The following ADAMTS12 variants were observed in gnomAD, a reference collection of about 807,000 sequenced individuals.
ADAMTS12 encodes the protein ADAM metallopeptidase with thrombospondin type 1 motif 12, also known as A disintegrin and metalloproteinase with thrombospondin motifs 12.
A neutral mutation model predicts 167.8 loss-of-function variants in ADAMTS12; 118 were observed. The observed-to-expected ratio is 0.70, with a 90% CI of 0.61 to 0.82. ADAMTS12 has a LOEUF of 0.82. Among genes scored for constraint, ADAMTS12 ranks in the 40% least tolerant of loss-of-function variants. The pLI is 0.00. For synonymous variants in ADAMTS12, 704 were observed against 716.9 expected, an observed-to-expected ratio of 0.98 and a Z score of 0.29; for missense variants, 1,916 against 1,998.8, an observed-to-expected ratio of 0.96 and a Z score of 0.79.
intron 14 of ADAMTS12, among the ~76,000 whole-genome samples, chr5:33,623,003 A>T (rs1739408331): frequency 6.6e-6 from 1 of 152,200 alleles, no homozygotes; most frequent in South Asian, 2.1e-4. Context: ...AAAGATGAAA[A>T]ATAGGGATGG....
rs113618015 is a variant in ADAMTS12 at position 33,545,953 on chromosome 5, A to G, written c.4446+106T>C. 76 of 1,379,882 alleles carry G rather than the reference A, an allele frequency of 5.5e-5. No homozygotes were observed. The African/African-American group carries it at 9.0e-4, about 16-fold the overall frequency. The allele number at this position is 1,379,882 out of a possible 1,614,324, so 85.5% of individuals were successfully genotyped here. A position where few individuals can be genotyped will look rare whatever the true frequency, so the allele number is the denominator to read the frequency against. On this transcript the variant is annotated intron_variant, in intron 22 of 23. Transcript: ENST00000504830. ...TGCAGCAAACCAACGTGGCACATGT[A>G]TACCTATGTAACAAACCTGCACGTT...
At chr5:33,774,766 C>T (rs1383147042) in intron 2 of ADAMTS12, among the ~76,000 whole-genome samples, 1 of 152,180 alleles carries the variant, frequency 6.6e-6, no homozygotes, top group East Asian at 1.9e-4. Context: ...ATCCCAGTAG[C>T]CTGTCTTTCA....
chr5:33,883,217 T>C (rs1029620547), intron 1 of ADAMTS12, among the ~76,000 whole-genome samples: 4 of 152,156 alleles, frequency 2.6e-5, no homozygotes, highest in Admixed American at 6.5e-5. Context: ...TCAGTTCTTA[T>C]ATGTTGATGT....
chr5:33,881,564 CTT>C (rs11442532), intron 1 of ADAMTS12, 84 bp from the exon 2 acceptor site: 2,001 of 1,228,720 alleles, frequency 1.6e-3, no homozygotes, highest in Non-Finnish European at 1.8e-3. Flanking sequence ...TGAATGCTAG[CTT>C]TTTTTTTTTT....
At chr5:33,804,454 G>C (rs571726827) in intron 2 of ADAMTS12, among the ~76,000 whole-genome samples, 2 of 152,318 alleles carry the variant, frequency 1.3e-5, no homozygotes, top group South Asian at 4.1e-4. Flanking sequence ...GCCAAGCCCA[G>C]CTCTCTCACA....
At position 33,818,680 on chromosome 5, in the gene ADAMTS12, G is replaced by A. The variant is rs377453873; in HGVS notation, c.489+62439C>T. On this transcript the variant is annotated intron_variant, in intron 2 of 23. Transcript: ENST00000504830. The stretch of plus-strand genomic sequence containing the variant: ...TTTTCCATTGTTTTCCATAATGGCT[G>A]TACCAATCTACATTTCCACCAATGG... Among the ~76,000 whole-genome samples, 17 of 152,112 alleles carry A rather than the reference G, an allele frequency of 1.1e-4. No homozygotes were observed. The East Asian group carries it at 1.4e-3, about 12-fold the overall frequency.
At chr5:33,636,062 C>G (rs1353761271) in intron 12 of ADAMTS12, among the ~76,000 whole-genome samples, 1 of 152,100 alleles carries the variant, frequency 6.6e-6, no homozygotes, top group Non-Finnish European at 1.5e-5. Flanking sequence ...CTTTGCTAGT[C>G]AAAAAGTAGG....
chr5:33,669,515 T>A (rs1006035402), intron 5 of ADAMTS12, among the ~76,000 whole-genome samples: 1 of 152,216 alleles, frequency 6.6e-6, no homozygotes, highest in Non-Finnish European at 1.5e-5. Flanking sequence ...GACCTGGGAA[T>A]GAATTCCATT....
intron 14 of ADAMTS12, among the ~76,000 whole-genome samples, chr5:33,620,207 G>A (rs971522619): frequency 6.6e-6 from 1 of 152,208 alleles, no homozygotes; most frequent in African/African-American, 2.4e-5. Context: ...GACAGCTATA[G>A]CTGCAGACCT....
Position 33,672,011 on chromosome 5 carries a change from A to T in ADAMTS12, c.916-9971T>A, listed in dbSNP as rs566511494. Among the ~76,000 whole-genome samples the T allele has an allele frequency of 3.2e-3, 475 of 150,678 alleles. 3 individuals carry two copies. Among genetic ancestry groups the T allele is most frequent in the African/African-American group, 0.011 (461 of 40,912 alleles). On this transcript the variant is annotated intron_variant, in intron 5 of 23. Coordinates refer to ENST00000504830, the MANE Select transcript of ADAMTS12 (RefSeq NM_030955.4). The stretch of plus-strand genomic sequence containing the variant: ...CACACACACCCATATACTCACATAC[A>T]CACACATCCACATACATACACACAC...
intron 3 of ADAMTS12, among the ~76,000 whole-genome samples, chr5:33,728,680 C>A (rs1744069937): frequency 6.6e-6 from 1 of 152,174 alleles, no homozygotes; most frequent in African/African-American, 2.4e-5. Flanking sequence ...ACCTTAGCAC[C>A]CCAGCCTGAA....
chr5:33,762,689 G>T (rs1745401017), intron 2 of ADAMTS12, among the ~76,000 whole-genome samples: 1 of 152,010 alleles, frequency 6.6e-6, no homozygotes, highest in Non-Finnish European at 1.5e-5. Context: ...AAGAAAATGG[G>T]GATTCTTCCC....
At chr5:33,707,071 A>G (rs1321433511) in intron 3 of ADAMTS12, among the ~76,000 whole-genome samples, 1 of 152,220 alleles carries the variant, frequency 6.6e-6, no homozygotes, top group East Asian at 1.9e-4. Flanking sequence ...TCTCAGCCCA[A>G]AAACACCTTA....
At chr5:33,549,404 A>G (rs1403761814) in intron 20 of ADAMTS12, 21 bp from the exon 21 acceptor site, 1 of 1,598,820 alleles carries the variant, frequency 6.3e-7, no homozygotes, top group Admixed American at 1.7e-5. Context: ...AGAAAAATCA[A>G]AGGCGATCTC....
chr5:33,835,131 G>C (rs1481740722), intron 2 of ADAMTS12, among the ~76,000 whole-genome samples: 1 of 152,196 alleles, frequency 6.6e-6, no homozygotes, highest in East Asian at 1.9e-4. Context: ...AGGAAACAGA[G>C]AAGTTACTTG....
At chr5:33,705,504 T>C (rs184552427) in intron 3 of ADAMTS12, among the ~76,000 whole-genome samples, 71 of 152,310 alleles carry the variant, frequency 4.7e-4, no homozygotes, top group Admixed American at 1.3e-3. Flanking sequence ...TCAGTCATTT[T>C]CTTATATGCT....
chr5:33,836,545 T>C (rs1043089648), intron 2 of ADAMTS12, among the ~76,000 whole-genome samples: 3 of 152,002 alleles, frequency 2.0e-5, no homozygotes, highest in Non-Finnish European at 4.4e-5. Context: ...TGGGGGCACT[T>C]CCATTACAGC....
chr5:33,683,109 C>T lies in ADAMTS12; in HGVS notation c.832-8G>A. 1 of 1,605,548 alleles carries T rather than the reference C, an allele frequency of 6.2e-7. No homozygotes were observed. The highest frequency in any genetic ancestry group is 2.2e-5 in the East Asian group (1 of 44,628). On this transcript the variant is annotated splice_region_variant and splice_polypyrimidine_tract_variant and intron_variant, in intron 4 of 23. Coordinates refer to ENST00000504830, the MANE Select transcript of ADAMTS12 (RefSeq NM_030955.4). ...ATGGAACAACCCAGTGACCTAGGGT[C>T]AGAAATAGAAAACCATTAGCTCCAC...
At chr5:33,882,797 G>A (rs58716213) in intron 1 of ADAMTS12, among the ~76,000 whole-genome samples, 2,459 of 152,082 alleles carry the variant, frequency 0.016, 59 homozygotes, top group African/African-American at 0.057. Context: ...CTCCATGTTG[G>A]TCAGGCTGGT....
Sources: allele counts gnomAD v4.1 joint callset (sites outside exome capture counted in the v4.1 genomes callset), GRCh38; gene constraint gnomAD v4.1.1; transcripts MANE v1.5; gene names NCBI Gene and HGNC (gene_info 2026-07-23, HGNC 2026-07-21).